FHIT: variants seen among roughly 807,000 people sequenced by gnomAD.
The protein encoded by FHIT is bis(5'-adenosyl)-triphosphatase.
In FHIT, 19 loss-of-function variants were observed where a neutral mutation model predicts 17.9. That is an observed-to-expected ratio of 1.06 (90% CI 0.74 to 1.56). FHIT has a LOEUF of 1.56. FHIT is among the 40% of genes most tolerant of loss of function. The pLI, the probability that FHIT is intolerant of heterozygous loss-of-function variation, is 0.00. For missense variants in FHIT, 248 were observed against 189.2 expected (o/e 1.31, Z -1.82); for synonymous variants, 81 against 69.7 (o/e 1.16, Z -0.81).
chr3:60,439,143 C>A (rs546079844), intron 5 of FHIT, among the ~76,000 whole-genome samples: 1 of 152,168 alleles, frequency 6.6e-6, no homozygotes, highest in African/African-American at 2.4e-5. Context: ...TGCAGGCATC[C>A]AAGTTTTTAC....
chr3:61,004,690 T>C (rs1321538580), intron 3 of FHIT, among the ~76,000 whole-genome samples: 2 of 152,036 alleles, frequency 1.3e-5, no homozygotes, highest in African/African-American at 4.8e-5. Flanking sequence ...CTCCTTCCAT[T>C]TTCCAGTCTC....
intron 4 of FHIT, among the ~76,000 whole-genome samples, chr3:60,809,167 C>T (rs1553735330): frequency 6.6e-6 from 1 of 152,088 alleles, no homozygotes. Flanking sequence ...TAATTAATCA[C>T]AAGAGCATAA....
chr3:60,979,358 CAGTTA>C (rs1559883251), intron 3 of FHIT, among the ~76,000 whole-genome samples: 2 of 152,190 alleles, frequency 1.3e-5, no homozygotes, highest in Non-Finnish European at 2.9e-5. Context: ...AAAGAAAAAA[CAGTTA>C]ATGCCAGCCT....
At chr3:60,701,181 G>C (rs1432922969) in intron 4 of FHIT, among the ~76,000 whole-genome samples, 1 of 150,362 alleles carries the variant, frequency 6.7e-6, no homozygotes, top group Non-Finnish European at 1.5e-5. Context: ...TGGAGTGCAG[G>C]GGAGTGACCT....
chr3:60,994,975 T>A (rs887031462), intron 3 of FHIT, among the ~76,000 whole-genome samples: 3 of 152,168 alleles, frequency 2.0e-5, no homozygotes, highest in East Asian at 1.9e-4. Flanking sequence ...TTTTAAAAAA[T>A]TTAGTTTAAT....
chr3:59,945,066 T>A (rs534112941), intron 7 of FHIT, among the ~76,000 whole-genome samples: 2 of 152,170 alleles, frequency 1.3e-5, no homozygotes, highest in East Asian at 3.9e-4. Flanking sequence ...CTGGGCTGAA[T>A]AGTAGTTCTG....
intron 5 of FHIT, among the ~76,000 whole-genome samples, chr3:60,065,804 T>G (rs903157448): frequency 1.4e-4 from 22 of 152,228 alleles, no homozygotes; most frequent in African/African-American, 5.3e-4. Flanking sequence ...TCTCAGACCA[T>G]CTTGAAGCCA....
At chr3:60,641,741 G>A (rs538702099) in intron 4 of FHIT, among the ~76,000 whole-genome samples, 1 of 152,202 alleles carries the variant, frequency 6.6e-6, no homozygotes, top group African/African-American at 2.4e-5. Context: ...GGAAGGGAGA[G>A]AATAAAATGG....
At chr3:59,778,560 C>CT (rs1305429199) in intron 8 of FHIT, among the ~76,000 whole-genome samples, 1 of 152,188 alleles carries the variant, frequency 6.6e-6, no homozygotes, top group Non-Finnish European at 1.5e-5. Context: ...CACAAATACT[C>CT]TGCCACTGTA....
chr3:60,220,006 TC>T, intron 5 of FHIT, among the ~76,000 whole-genome samples: 1 of 152,122 alleles, frequency 6.6e-6, no homozygotes, highest in Non-Finnish European at 1.5e-5. Context: ...CTCATGGACA[TC>T]AGTCCCCCTG....
intron 5 of FHIT, among the ~76,000 whole-genome samples, chr3:60,200,203 T>C (rs991575024): frequency 3.3e-5 from 5 of 152,084 alleles, no homozygotes; most frequent in Admixed American, 6.5e-5. Flanking sequence ...AGACACTGGA[T>C]TGTGGGTGCT....
At chr3:60,682,485 T>A (rs959133406) in intron 4 of FHIT, among the ~76,000 whole-genome samples, 1 of 152,224 alleles carries the variant, frequency 6.6e-6, no homozygotes, top group Non-Finnish European at 1.5e-5. Flanking sequence ...AGAATGATAC[T>A]ACACCAACTC....
intron 5 of FHIT, among the ~76,000 whole-genome samples, chr3:60,359,981 CTTTTTT>C (rs368086333): frequency 7.5e-6 from 1 of 132,924 alleles, no homozygotes; most frequent in African/African-American, 2.8e-5. Flanking sequence ...ACATTCAAGA[CTTTTTT>C]TTTTTTTTTC....
At chr3:60,956,825 T>G (rs1439694365) in intron 3 of FHIT, among the ~76,000 whole-genome samples, 2 of 152,258 alleles carry the variant, frequency 1.3e-5, no homozygotes, top group Non-Finnish European at 2.9e-5. Flanking sequence ...TTGAAATTTC[T>G]TGATTTTTAA....
At chr3:60,499,382 C>T (rs1187107316) in intron 5 of FHIT, among the ~76,000 whole-genome samples, 2 of 152,104 alleles carry the variant, frequency 1.3e-5, no homozygotes, top group Non-Finnish European at 2.9e-5. Flanking sequence ...CCTCACCATG[C>T]TTCACCCCCA....
chr3:60,121,670 C>A (rs987841961), intron 5 of FHIT, among the ~76,000 whole-genome samples: 2 of 149,734 alleles, frequency 1.3e-5, no homozygotes, highest in Non-Finnish European at 3.0e-5. Context: ...TGAGACAAAG[C>A]AAGACTCTGT....
intron 5 of FHIT, among the ~76,000 whole-genome samples, chr3:60,446,148 G>T (rs1418292733): frequency 2.0e-5 from 3 of 152,100 alleles, no homozygotes; most frequent in African/African-American, 7.2e-5. Flanking sequence ...TGGCATTACT[G>T]GGAGAACTGC....
At chr3:60,060,837 A>G (rs1294046181) in intron 5 of FHIT, among the ~76,000 whole-genome samples, 1 of 152,200 alleles carries the variant, frequency 6.6e-6, no homozygotes, top group Non-Finnish European at 1.5e-5. Flanking sequence ...TCTCTTATTA[A>G]TTACTTCTTG....
chr3:61,040,097 G>A (rs377077694), intron 3 of FHIT, among the ~76,000 whole-genome samples: 2 of 152,162 alleles, frequency 1.3e-5, no homozygotes, highest in East Asian at 3.9e-4. Flanking sequence ...ACCTCAAAGG[G>A]GTTTAACGAA....
Sources: gnomAD v4.1 joint callset for allele counts (sites outside exome capture counted in the v4.1 genomes callset) on GRCh38, gnomAD v4.1.1 for gene constraint, MANE v1.5 for transcripts, NCBI Gene and HGNC (gene_info 2026-07-23, HGNC 2026-07-21) for gene names.